Variants in GALNT13 observed in about 807,000 individuals in gnomAD.
The protein encoded by GALNT13 is polypeptide N-acetylgalactosaminyltransferase 13.
A neutral mutation model predicts 64.2 loss-of-function variants in GALNT13; 28 were observed. That is an observed-to-expected ratio of 0.44 (90% CI 0.32 to 0.60). GALNT13 has a LOEUF of 0.60. Among genes scored for constraint, GALNT13 ranks in the 20% least tolerant of loss-of-function variants. The pLI is 0.05. For missense variants in GALNT13, 577 were observed against 669.8 expected (o/e 0.86, Z 1.53); for synonymous variants, 214 against 224.6 (o/e 0.95, Z 0.42).
At chr2:153,860,678 A>T in the GALNT13 span, among the ~76,000 whole-genome samples, 1 of 152,216 alleles carries the variant, frequency 6.6e-6, no homozygotes, top group African/African-American at 2.4e-5. Flanking sequence ...ACAAAAATAT[A>T]GAACTATATG....
At chr2:153,997,065 G>T (rs1175876965) in intron 3 of GALNT13, among the ~76,000 whole-genome samples, 1 of 152,128 alleles carries the variant, frequency 6.6e-6, no homozygotes, top group East Asian at 1.9e-4. Flanking sequence ...TGCTGTTTTG[G>T]TTACTGTGGG....
At chr2:154,141,133 A>G (rs929436207) in intron 4 of GALNT13, among the ~76,000 whole-genome samples, 1 of 152,166 alleles carries the variant, frequency 6.6e-6, no homozygotes, top group Non-Finnish European at 1.5e-5. Context: ...AGGTCATGTA[A>G]CATGAATGGA....
chr2:154,429,459 A>T (rs565890306), intron 11 of GALNT13, among the ~76,000 whole-genome samples: 8 of 152,220 alleles, frequency 5.3e-5, no homozygotes, highest in Non-Finnish European at 1.2e-4. Flanking sequence ...CTTCCACAGC[A>T]GGGCCCTAAC....
chr2:153,647,825 A>C, the GALNT13 span, among the ~76,000 whole-genome samples: 1 of 152,056 alleles, frequency 6.6e-6, no homozygotes, highest in African/African-American at 2.4e-5. Flanking sequence ...ATTGGTCTAT[A>C]TCTCTGTTTT....
At chr2:153,626,748 G>A in the GALNT13 span, among the ~76,000 whole-genome samples, 1 of 152,036 alleles carries the variant, frequency 6.6e-6, no homozygotes, top group Non-Finnish European at 1.5e-5. Flanking sequence ...CAGCCCTCAA[G>A]CCAGGAATGA....
At chr2:153,099,841 G>A in the GALNT13 span, among the ~76,000 whole-genome samples, 1 of 152,166 alleles carries the variant, frequency 6.6e-6, no homozygotes, top group Non-Finnish European at 1.5e-5. Flanking sequence ...TATGCAGCAA[G>A]TCCAGAGTCA....
chr2:153,353,747 C>T, the GALNT13 span, among the ~76,000 whole-genome samples: 1 of 152,116 alleles, frequency 6.6e-6, no homozygotes, highest in Non-Finnish European at 1.5e-5. Context: ...TAAAGAATTA[C>T]ACTAATTGAT....
At chr2:153,835,574 A>C in the GALNT13 span, among the ~76,000 whole-genome samples, 1 of 152,166 alleles carries the variant, frequency 6.6e-6, no homozygotes. Flanking sequence ...GGAATCTTGA[A>C]GGTTTTGATT....
chr2:153,924,253 C>T (rs897621617), intron 2 of GALNT13, among the ~76,000 whole-genome samples: 4 of 148,224 alleles, frequency 2.7e-5, no homozygotes, highest in African/African-American at 7.5e-5. Flanking sequence ...CTTGTTTGCC[C>T]CCATGTGTCT....
At chr2:154,406,916 A>G (rs1451531568) in intron 10 of GALNT13, among the ~76,000 whole-genome samples, 2 of 152,198 alleles carry the variant, frequency 1.3e-5, no homozygotes, top group African/African-American at 4.8e-5. Context: ...CTAAAACATT[A>G]AAGTGTTATC....
intron 3 of GALNT13, among the ~76,000 whole-genome samples, chr2:153,990,089 A>G (rs1175577977): frequency 6.6e-6 from 1 of 152,116 alleles, no homozygotes; most frequent in Admixed American, 6.6e-5. Flanking sequence ...ATAGTTCTAT[A>G]TAGTATTAGT....
At chr2:154,295,053 G>A (rs1313094033) in intron 8 of GALNT13, among the ~76,000 whole-genome samples, 1 of 152,096 alleles carries the variant, frequency 6.6e-6, no homozygotes. Context: ...ACCTATGGGA[G>A]GACCAAGAAG....
chr2:153,280,812 A>G, the GALNT13 span, among the ~76,000 whole-genome samples: 2 of 152,196 alleles, frequency 1.3e-5, no homozygotes, highest in Admixed American at 6.5e-5. Flanking sequence ...TATGTTCCAC[A>G]TGCAGATGAG....
At chr2:153,756,718 G>A in the GALNT13 span, among the ~76,000 whole-genome samples, 2 of 151,852 alleles carry the variant, frequency 1.3e-5, no homozygotes, top group Non-Finnish European at 2.9e-5. Context: ...ATGTACCATT[G>A]ACTAGACTTT....
At chr2:153,515,868 A>G in the GALNT13 span, among the ~76,000 whole-genome samples, 11 of 152,306 alleles carry the variant, frequency 7.2e-5, no homozygotes, top group African/African-American at 2.6e-4. Flanking sequence ...TGGCTGGAAT[A>G]TATGTTGGAA....
chr2:154,155,599 C>G (rs557116462), intron 4 of GALNT13, among the ~76,000 whole-genome samples: 34 of 152,070 alleles, frequency 2.2e-4, no homozygotes, highest in Admixed American at 9.2e-4. Flanking sequence ...AATAGCTTAA[C>G]TCATGATAGT....
the GALNT13 span, among the ~76,000 whole-genome samples, chr2:153,280,088 G>C: frequency 6.6e-6 from 1 of 152,044 alleles, no homozygotes; most frequent in African/African-American, 2.4e-5. Flanking sequence ...TCCTGATTCA[G>C]TCTTGAGGGG....
chr2:153,423,745 A>G, the GALNT13 span, among the ~76,000 whole-genome samples: 24 of 151,856 alleles, frequency 1.6e-4, no homozygotes, highest in Non-Finnish European at 3.0e-4. Context: ...TGAGAAAGTC[A>G]TAAACCTTTA....
rs1694003502 is a variant in GALNT13 at position 153,975,255 on chromosome 2, A to G, written c.142+30616A>G. On this transcript the variant is annotated intron_variant, in intron 3 of 12. Coordinates refer to ENST00000392825, the MANE Select transcript of GALNT13 (RefSeq NM_052917.4). ...ATTCCTAACAATGATTACATGTCAC[A>G]TTTACCTGGAGGATTTGAAAACATG... Among the ~76,000 whole-genome samples the G allele has an allele frequency of 2.6e-5, 4 of 152,008 alleles. No homozygotes were observed. In the South Asian group the frequency reaches 8.3e-4, roughly 31 times the overall value.
Sources: gnomAD v4.1 joint callset for allele counts (sites outside exome capture counted in the v4.1 genomes callset) on GRCh38, gnomAD v4.1.1 for gene constraint, MANE v1.5 for transcripts, NCBI Gene and HGNC (gene_info 2026-07-23, HGNC 2026-07-21) for gene names.